The following PPP2R2B variants were observed in gnomAD, a reference collection of about 807,000 sequenced individuals.
PPP2R2B encodes protein phosphatase 2 regulatory subunit Bbeta, also known as serine/threonine-protein phosphatase 2A 55 kDa regulatory subunit B beta isoform.
A neutral mutation model predicts 46.0 loss-of-function variants in PPP2R2B; 5 were observed. The observed-to-expected ratio is 0.11, with a 90% CI of 0.06 to 0.23. The LOEUF (loss-of-function observed/expected upper bound fraction) is 0.23, where lower values mean the gene tolerates loss of function less well. PPP2R2B is among the 10% of genes least tolerant of loss of function. The pLI is 1.00. For missense variants in PPP2R2B, 367 were observed against 575.0 expected (o/e 0.64, Z 3.70); for synonymous variants, 215 against 206.7 (o/e 1.04, Z -0.34).
intron 2 of PPP2R2B, among the ~76,000 whole-genome samples, chr5:146,736,152 T>C (rs559949747): frequency 1.3e-5 from 2 of 152,306 alleles, no homozygotes. Context: ...TGGGCACACA[T>C]TATTCTCCTT....
At chr5:146,879,033 C>T (rs2082405), upstream of PPP2R2B, 269,384 of 643,604 alleles carry the variant, frequency 0.42, 61,984 homozygotes, top group East Asian at 0.81. Context: ...GAGCCCCTAG[C>T]TCCCTGCCTT....
intron 2 of PPP2R2B, among the ~76,000 whole-genome samples, chr5:146,729,139 A>T (rs1337502278): frequency 6.6e-6 from 1 of 152,212 alleles, no homozygotes; most frequent in African/African-American, 2.4e-5. Flanking sequence ...ATCCAAGTTG[A>T]GGTGGTCTCA....
chr5:146,685,706 T>G lies in PPP2R2B; in HGVS notation c.447+5422A>C, dbSNP rs1370814425. Among the ~76,000 whole-genome samples, 8 of 152,202 alleles carry G rather than the reference T, an allele frequency of 5.3e-5. No individual in the cohort carries two copies. In the East Asian group the frequency reaches 1.5e-3, roughly 29 times the overall value. On this transcript the variant is annotated intron_variant, in intron 5 of 9. Transcript: ENST00000394411. Reference sequence around the variant, plus strand: ...ATGGGATTTGCTAACATCAGGGTCATTTTAAGTGGAAAAAGTTTAGTTCTG... The same window carrying G: ...ATGGGATTTGCTAACATCAGGGTCAGTTTAAGTGGAAAAAGTTTAGTTCTG...
intron 2 of PPP2R2B, among the ~76,000 whole-genome samples, chr5:146,711,358 C>A (rs1253238219): frequency 6.6e-6 from 1 of 152,058 alleles, no homozygotes; most frequent in African/African-American, 2.4e-5. Flanking sequence ...TAACCCTAAA[C>A]AAAGTATCAA....
intron 1 of PPP2R2B, among the ~76,000 whole-genome samples, chr5:146,936,617 A>G (rs963805854): frequency 1.3e-5 from 2 of 151,934 alleles, no homozygotes; most frequent in East Asian, 3.9e-4. Context: ...ACCTCTCTGT[A>G]CAGAGAGATA....
At chr5:146,719,721 G>A (rs1780686219) in intron 2 of PPP2R2B, among the ~76,000 whole-genome samples, 1 of 152,110 alleles carries the variant, frequency 6.6e-6, no homozygotes, top group African/African-American at 2.4e-5. Context: ...TATCTGACAA[G>A]CAGATTTATT....
chr5:146,899,970 T>C (rs1762771355), intron 1 of PPP2R2B, among the ~76,000 whole-genome samples: 1 of 152,176 alleles, frequency 6.6e-6, no homozygotes, highest in Admixed American at 6.5e-5. Context: ...AGATTGTCAC[T>C]GGAAAATTTC....
chr5:146,706,393 T>G (rs1289993208), intron 2 of PPP2R2B: 3 of 740,996 alleles, frequency 4.0e-6, no homozygotes, highest in South Asian at 4.0e-5. Flanking sequence ...TCACACCACC[T>G]GCATAGCCGC....
At chr5:146,926,087 A>C (rs1484129304) in intron 1 of PPP2R2B, among the ~76,000 whole-genome samples, 1 of 152,156 alleles carries the variant, frequency 6.6e-6, no homozygotes, top group Non-Finnish European at 1.5e-5. Flanking sequence ...GTTCTTTGGA[A>C]ATATTTATAA....
At chr5:146,712,510 A>G (rs1780269372) in intron 2 of PPP2R2B, among the ~76,000 whole-genome samples, 1 of 152,230 alleles carries the variant, frequency 6.6e-6, no homozygotes, top group African/African-American at 2.4e-5. Context: ...AAAATCGGAT[A>G]TTTAGAAAAT....
At chr5:146,698,813 A>T (rs1169503858) in intron 3 of PPP2R2B, among the ~76,000 whole-genome samples, 1 of 151,802 alleles carries the variant, frequency 6.6e-6, no homozygotes, top group East Asian at 1.9e-4. Context: ...TGCTACCTGC[A>T]TCATTAAGGA....
At chr5:146,706,709 C>T (rs1489548508) in intron 2 of PPP2R2B, 4 of 866,386 alleles carry the variant, frequency 4.6e-6, no homozygotes, top group Non-Finnish European at 7.9e-6. Context: ...TCTCAGAGAT[C>T]TCAGTCTTTG....
chr5:146,808,994 T>TGTGTGTGTGC (rs1442659063), intron 2 of PPP2R2B, among the ~76,000 whole-genome samples: 120 of 134,484 alleles, frequency 8.9e-4, no homozygotes, highest in African/African-American at 2.8e-3. Flanking sequence ...TGTGTGTGTG[T>TGTGTGTGTGC]GCGCGCGCAC....
chr5:146,815,777 T>A (rs924492040), intron 2 of PPP2R2B, among the ~76,000 whole-genome samples: 2 of 152,210 alleles, frequency 1.3e-5, no homozygotes, highest in African/African-American at 4.8e-5. Context: ...TCTTTACAAA[T>A]GCTAACTCAT....
At chr5:146,775,006 G>A (rs1755096463) in intron 2 of PPP2R2B, among the ~76,000 whole-genome samples, 3 of 152,068 alleles carry the variant, frequency 2.0e-5, no homozygotes, top group African/African-American at 7.2e-5. Flanking sequence ...AAATCTTCCA[G>A]AGAAAAGCCC....
At chr5:146,761,049 C>T (rs1212491438) in intron 2 of PPP2R2B, among the ~76,000 whole-genome samples, 4 of 152,200 alleles carry the variant, frequency 2.6e-5, no homozygotes, top group Non-Finnish European at 5.9e-5. Flanking sequence ...AATAGGAACA[C>T]TTTTGCACTG....
chr5:146,855,329 TA>T (rs1177806396), intron 2 of PPP2R2B, among the ~76,000 whole-genome samples: 1 of 152,178 alleles, frequency 6.6e-6, no homozygotes, highest in Admixed American at 6.6e-5. Flanking sequence ...TTATTTTATA[TA>T]AAAACACATT....
chr5:146,789,081 G>A (rs776764456), intron 2 of PPP2R2B, among the ~76,000 whole-genome samples: 2 of 152,178 alleles, frequency 1.3e-5, no homozygotes, highest in African/African-American at 2.4e-5. Context: ...CCTAAGGAGC[G>A]TGCTCCAGGA....
intron 1 of PPP2R2B, among the ~76,000 whole-genome samples, chr5:146,988,587 A>G (rs1024028811): frequency 6.6e-6 from 1 of 152,022 alleles, no homozygotes; most frequent in African/African-American, 2.4e-5. Context: ...GAAACAAAAT[A>G]TACCAAAACC....
Sources: gnomAD v4.1 joint callset for allele counts (sites outside exome capture counted in the v4.1 genomes callset) on GRCh38, gnomAD v4.1.1 for gene constraint, MANE v1.5 for transcripts, NCBI Gene and HGNC (gene_info 2026-07-23, HGNC 2026-07-21) for gene names.